Variants in TMEM154 observed in about 807,000 individuals in gnomAD.
The protein encoded by TMEM154 is transmembrane protein 154.
A neutral mutation model predicts 24.5 loss-of-function variants in TMEM154; 27 were observed. That is an observed-to-expected ratio of 1.10 (90% CI 0.81 to 1.52). TMEM154 has a LOEUF of 1.52. TMEM154 is among the 40% of genes most tolerant of loss of function. TMEM154 has a pLI of 0.00. For synonymous variants in TMEM154, 67 were observed against 76.8 expected, an observed-to-expected ratio of 0.87 and a Z score of 0.67; for missense variants, 228 against 213.4, an observed-to-expected ratio of 1.07 and a Z score of -0.43.
At chr4:152,666,952 G>C (rs1157137786) in intron 1 of TMEM154, 1 of 152,314 alleles carries the variant, frequency 6.6e-6, no homozygotes, top group Non-Finnish European at 1.5e-5. Context: ...GTGCTACGAG[G>C]ACACCGATGC....
In TMEM154 at chr4:152,625,101, C is replaced by A. The variant is rs77731416; in HGVS notation, c.*3445G>T. On this transcript the variant is annotated 3_prime_UTR_variant, in exon 7 of 7. Coordinates refer to ENST00000304385, the MANE Select transcript of TMEM154 (RefSeq NM_152680.3). ...CTTTAGTCAACATAAGGCCTTTTTT[C>A]AGAGATGGTGTGAATTAATAGTTTA... is the stretch of plus-strand genomic sequence containing the variant. 1 of 96,180 alleles carries A rather than the reference C, an allele frequency of 1.0e-5. No individual in the cohort carries two copies. Among genetic ancestry groups the A allele is most frequent in the Non-Finnish European group, 2.7e-5 (1 of 37,668 alleles). The allele number at this position is 96,180 out of a possible 1,614,324, so 6.0% of individuals were successfully genotyped here.
At chr4:152,662,073 C>T (rs1351634300) in intron 1 of TMEM154, among the ~76,000 whole-genome samples, 1 of 152,156 alleles carries the variant, frequency 6.6e-6, no homozygotes, top group South Asian at 2.1e-4. Flanking sequence ...ATAATCTTTT[C>T]CTATTGACAG....
intron 1 of TMEM154, among the ~76,000 whole-genome samples, chr4:152,659,428 G>A (rs1728552591): frequency 6.6e-6 from 1 of 152,130 alleles, no homozygotes; most frequent in Non-Finnish European, 1.5e-5. Flanking sequence ...CAGTTAGACA[G>A]TATAAATTAT....
At chr4:152,633,430 T>C (rs376142506) in intron 6 of TMEM154, among the ~76,000 whole-genome samples, 3 of 152,254 alleles carry the variant, frequency 2.0e-5, no homozygotes, top group Admixed American at 6.5e-5. Flanking sequence ...TAGTTAGATA[T>C]GTTTCCTGCT....
chr4:152,628,587 AAAAAAC>A lies in TMEM154; in HGVS notation c.537-32_537-27del, dbSNP rs763332432. On this transcript the variant is annotated intron_variant, in intron 6 of 6. Coordinates refer to ENST00000304385, the MANE Select transcript of TMEM154 (RefSeq NM_152680.3). ...CTGTAAAAAAAAAAAAAAAAAAAAAAAAAAACAAAAAAAACACACACACACACACAA... is the reference window on the plus strand; with the variant it reads ...CTGTAAAAAAAAAAAAAAAAAAAAAAAAAAAAAACACACACACACACACAA... 1.8e-3 allele frequency: 1,897 copies of A among 1,047,146 alleles called. 434 individuals carry two copies. Among genetic ancestry groups the A allele is most frequent in the South Asian group, 2.8e-3 (141 of 51,192 alleles). The allele number at this position is 1,047,146 out of a possible 1,614,324, so 64.9% of individuals were successfully genotyped here. A position where few individuals can be genotyped will look rare whatever the true frequency, so the allele number is the denominator to read the frequency against.
chr4:152,647,854 T>C (rs188891892), intron 3 of TMEM154, among the ~76,000 whole-genome samples: 1 of 152,282 alleles, frequency 6.6e-6, no homozygotes, highest in East Asian at 1.9e-4. Context: ...AATTTGCCCA[T>C]TTTACAGATG....
chr4:152,662,586 C>T (rs1279577506), intron 1 of TMEM154, among the ~76,000 whole-genome samples: 1 of 133,452 alleles, frequency 7.5e-6, no homozygotes, highest in Non-Finnish European at 1.6e-5. Flanking sequence ...AGTATGGATG[C>T]GGAGGGCAGC....
intron 3 of TMEM154, among the ~76,000 whole-genome samples, chr4:152,650,106 T>C (rs571666199): frequency 8.5e-5 from 13 of 152,324 alleles, no homozygotes; most frequent in Admixed American, 7.2e-4. Context: ...TGGTTGCTGA[T>C]GGTTGGGAAG....
chr4:152,676,592 G>A (rs1186356449), intron 1 of TMEM154, among the ~76,000 whole-genome samples: 2 of 152,144 alleles, frequency 1.3e-5, no homozygotes, highest in African/African-American at 2.4e-5. Flanking sequence ...TTAGAATAGT[G>A]CCTGACCTAT....
At chr4:152,644,249 G>A (rs999420546) in intron 4 of TMEM154, among the ~76,000 whole-genome samples, 166 bp downstream of exon 4, 33 of 152,150 alleles carry the variant, frequency 2.2e-4, no homozygotes, top group African/African-American at 6.5e-4. Flanking sequence ...TAGGGTTTGG[G>A]GATGCCAGCA....
Position 152,628,335 on chromosome 4 carries a change from C to T in TMEM154, c.*211G>A, listed in dbSNP as rs1388597874. The T allele has an allele frequency of 3.7e-6, 3 of 801,898 alleles. No individual in the cohort carries two copies. Among genetic ancestry groups the T allele is most frequent in the Non-Finnish European group, 6.0e-6 (3 of 498,298 alleles). The allele number at this position is 801,898 out of a possible 1,614,324, so 49.7% of individuals were successfully genotyped here. ...GAGGCAGCGATGGATGGCAGCCAGG[C>T]CTTTTCCTAGTACTTCTCAATTGCA... On this transcript the variant is annotated 3_prime_UTR_variant, in exon 7 of 7. Coordinates refer to ENST00000304385, the MANE Select transcript of TMEM154 (RefSeq NM_152680.3).
chr4:152,661,341 T>TCC (rs1282608677), intron 1 of TMEM154, among the ~76,000 whole-genome samples: 28 of 109,232 alleles, frequency 2.6e-4, no homozygotes, highest in African/African-American at 8.6e-4. Flanking sequence ...TCTCTCTCTC[T>TCC]CCCCCCAACT....
At position 152,621,066 on chromosome 4, in the gene TMEM154, A is replaced by G. The variant is rs1159839139; in HGVS notation, c.*7480T>C. On this transcript the variant is annotated 3_prime_UTR_variant, in exon 7 of 7. Coordinates refer to ENST00000304385, the MANE Select transcript of TMEM154 (RefSeq NM_152680.3). ...AGAATCCCTTATTGTTGAAAGTGAT[A>G]ATGTACCAACCATAGAGATGACTGT... 1 of 152,220 alleles carries G rather than the reference A, an allele frequency of 6.6e-6. No individual in the cohort carries two copies. Among genetic ancestry groups the G allele is most frequent in the Non-Finnish European group, 1.5e-5 (1 of 68,036 alleles). The allele number at this position is 152,220 out of a possible 1,614,324, so 9.4% of individuals were successfully genotyped here.
At chr4:152,677,768 GT>G (rs1251593298) in intron 1 of TMEM154, among the ~76,000 whole-genome samples, 3 of 151,938 alleles carry the variant, frequency 2.0e-5, no homozygotes, top group East Asian at 3.9e-4. Flanking sequence ...GGAGCTATCA[GT>G]TTTTTTTGTA....
In TMEM154 at chr4:152,621,692, T is replaced by A. The variant is rs749383389; in HGVS notation, c.*6854A>T. 2.0e-5 allele frequency: 3 copies of A among 152,220 alleles called. No individual in the cohort carries two copies. The highest frequency in any genetic ancestry group is 4.4e-5 in the Non-Finnish European group (3 of 68,042). 9.4% of individuals were successfully genotyped at this position (152,220 alleles called of 1,614,324 possible). ...CTTCATGTTATCTACAACTTATGAA[T>A]CTGCCTTTCAGCCTTACTTTCTTCT... On this transcript the variant is annotated 3_prime_UTR_variant, in exon 7 of 7. Coordinates refer to ENST00000304385, the MANE Select transcript of TMEM154 (RefSeq NM_152680.3).
chr4:152,658,396 C>A (rs1728532757), intron 1 of TMEM154, among the ~76,000 whole-genome samples: 1 of 151,538 alleles, frequency 6.6e-6, no homozygotes. Flanking sequence ...AAAGCAAGAG[C>A]AAATCAAACC....
At chr4:152,641,011 T>A in intron 5 of TMEM154, 26 bp from the exon 6 acceptor site, 3 of 1,598,668 alleles carry the variant, frequency 1.9e-6, no homozygotes, top group Non-Finnish European at 2.6e-6. Context: ...AGCAAACTCA[T>A]TGTTAGTTAC....
At chr4:152,644,308 G>A (rs1752312288) in intron 4 of TMEM154, 107 bp downstream of exon 4, 2 of 1,257,460 alleles carry the variant, frequency 1.6e-6, no homozygotes, top group Admixed American at 1.8e-5. Flanking sequence ...TGGGAAGCAG[G>A]AGAGTCCCGC....
intron 1 of TMEM154, chr4:152,666,631 A>G (rs959044730): frequency 9.9e-5 from 15 of 152,254 alleles, no homozygotes; most frequent in African/African-American, 3.4e-4. Context: ...ATTTTGGAGT[A>G]TGCACCATTA....
Sources: allele counts gnomAD v4.1 joint callset (sites outside exome capture counted in the v4.1 genomes callset), GRCh38; gene constraint gnomAD v4.1.1; transcripts MANE v1.5; gene names NCBI Gene and HGNC (gene_info 2026-07-23, HGNC 2026-07-21).